The following PPP1R3B variants were observed in gnomAD, a reference collection of about 807,000 sequenced individuals.
PPP1R3B encodes protein phosphatase 1 regulatory subunit 3B.
PPP1R3B carries 8 observed loss-of-function variants against 14.6 expected under a neutral mutation model. The observed-to-expected ratio is 0.55, with a 90% CI of 0.32 to 0.99. PPP1R3B has a LOEUF of 0.99. PPP1R3B is among the 50% of genes least tolerant of loss of function. The pLI, the probability that PPP1R3B is intolerant of heterozygous loss-of-function variation, is 0.04. For synonymous variants in PPP1R3B, 169 were observed against 142.0 expected (o/e 1.19, Z -1.35); for missense variants, 452 against 360.1 (o/e 1.26, Z -2.07).
rs1034804237 is a variant in PPP1R3B at position 9,138,275 on chromosome 8, C to A, written c.*2519G>T. 6.6e-6 allele frequency: 1 copy of A among 152,156 alleles called. No homozygotes were observed. The highest frequency in any genetic ancestry group is 1.5e-5 in the Non-Finnish European group (1 of 68,028). 9.4% of individuals were successfully genotyped at this position (152,156 alleles called of 1,614,324 possible). A position where few individuals can be genotyped will look rare whatever the true frequency, so the allele number is the denominator to read the frequency against. The stretch of plus-strand genomic sequence containing the variant: ...CGATGTCTGGTATGTTTACATAAAA[C>A]GTGGTTCTGCCCAGTAACAGCATAA... On this transcript the variant is annotated 3_prime_UTR_variant, in exon 2 of 2. Transcript: ENST00000310455.
Position 9,138,566 on chromosome 8 carries a change from G to A in PPP1R3B, c.*2228C>T, listed in dbSNP as rs887051104. The A allele has an allele frequency of 2.0e-5, 3 of 152,182 alleles. No individual in the cohort carries two copies. The highest frequency in any genetic ancestry group is 4.4e-5 in the Non-Finnish European group (3 of 68,046). 9.4% of individuals were successfully genotyped at this position (152,182 alleles called of 1,614,324 possible). On this transcript the variant is annotated 3_prime_UTR_variant, in exon 2 of 2. Transcript: ENST00000310455. ...CTAGGAGCCAAGGCACTCAGTATCT[G>A]CCTGTTGGTTATGTACAAAGCCACA...
intron 1 of PPP1R3B, among the ~76,000 whole-genome samples, chr8:9,148,502 G>C (rs1320711674): frequency 1.3e-5 from 2 of 152,218 alleles, no homozygotes; most frequent in Admixed American, 1.3e-4. Context: ...TCCCAGGTAG[G>C]TATGAATTCT....
chr8:9,136,453 G>A lies in PPP1R3B; in HGVS notation c.*4341C>T, dbSNP rs1007378729. 6 of 152,164 alleles carry A rather than the reference G, an allele frequency of 3.9e-5. No homozygotes were observed. Among genetic ancestry groups the A allele is most frequent in the African/African-American group, 1.4e-4 (6 of 41,420 alleles). The allele number at this position is 152,164 out of a possible 1,614,324, so 9.4% of individuals were successfully genotyped here. ...GGTATAAAATGAAGATGAGTCCTTG[G>A]TTCTACATTCACACTGAAGTAATAG... On this transcript the variant is annotated 3_prime_UTR_variant, in exon 2 of 2. Coordinates refer to ENST00000310455, the MANE Select transcript of PPP1R3B (RefSeq NM_024607.4).
upstream of PPP1R3B, among the ~76,000 whole-genome samples, chr8:9,151,081 G>A (rs1392474505): frequency 6.6e-6 from 1 of 152,170 alleles, no homozygotes; most frequent in Non-Finnish European, 1.5e-5. Flanking sequence ...GCAGCTCCCG[G>A]GTCACGGTCG....
Position 9,141,367 on chromosome 8 carries a change from G to T in PPP1R3B, c.285C>A (p.Leu95=), listed in dbSNP as rs778830486. The T allele has an allele frequency of 5.0e-6, 8 of 1,614,086 alleles. No individual in the cohort carries two copies. The South Asian group carries it at 8.8e-5, about 18-fold the overall frequency. Reference sequence around the variant, plus strand: ...TCGTCAAGCTCACAATGTTGTCTAGGAGCTCGGTGATGTTGAATGGCATAT... The same window carrying T: ...TCGTCAAGCTCACAATGTTGTCTAGTAGCTCGGTGATGTTGAATGGCATAT... ...PLDMPFNITE[L]LDNIVSLTTA... The change falls in exon 2 of 2, where the codon CTC becomes CTA. Residue 95 remains leucine (L), a synonymous_variant. Coordinates refer to ENST00000310455, the MANE Select transcript of PPP1R3B (RefSeq NM_024607.4).
upstream of PPP1R3B, chr8:9,150,673 C>T (rs1014567542): frequency 2.0e-5 from 3 of 152,468 alleles, no homozygotes; most frequent in Non-Finnish European, 1.5e-5. Context: ...GAGGCAGGGC[C>T]TGGGCTGGGT....
Position 9,140,718 on chromosome 8 carries a change from C to G in PPP1R3B, c.*76G>C. ...AAGTTCCACGTTGCTCCTCCCTGGC[C>G]TTCCATCTCCACTGCACAGTGAGCA... is the stretch of plus-strand genomic sequence containing the variant. On this transcript the variant is annotated 3_prime_UTR_variant, in exon 2 of 2. Coordinates refer to ENST00000310455, the MANE Select transcript of PPP1R3B (RefSeq NM_024607.4). 3 of 1,498,070 alleles carry G rather than the reference C, an allele frequency of 2.0e-6. No individual in the cohort carries two copies. The highest frequency in any genetic ancestry group is 2.7e-6 in the Non-Finnish European group (3 of 1,105,314). The allele number at this position is 1,498,070 out of a possible 1,614,324, so 92.8% of individuals were successfully genotyped here.
At chr8:9,147,926 C>G (rs1002622668) in intron 1 of PPP1R3B, among the ~76,000 whole-genome samples, 3 of 152,164 alleles carry the variant, frequency 2.0e-5, no homozygotes, top group Admixed American at 6.5e-5. Context: ...CAACCCCAGT[C>G]TAGAATCCCT....
Position 9,141,575 on chromosome 8 carries a change from A to T in PPP1R3B, c.77T>A (p.Ile26Asn). 6.2e-7 allele frequency: 1 copy of T among 1,614,042 alleles called. No homozygotes were observed. Among genetic ancestry groups the T allele is most frequent in the Non-Finnish European group, 8.5e-7 (1 of 1,180,022 alleles). ...CAGTGGTTTGCTGGGCTTTGGTGAG[A>T]TCTTAAAGGCAAACCTCTCTTGGCG... ...SLRQERFAFK[I>N]SPKPSKPLRP... Residue 26 changes from isoleucine (I) to asparagine (N), a missense_variant, in exon 2 of 2, where the codon ATC (isoleucine) becomes AAC (asparagine). Ile to Asn is a moderately radical substitution (Grantham distance 149). Transcript: ENST00000310455.
chr8:9,148,394 A>G (rs775313237), intron 1 of PPP1R3B, among the ~76,000 whole-genome samples: 1 of 152,182 alleles, frequency 6.6e-6, no homozygotes, highest in Non-Finnish European at 1.5e-5. Context: ...AGGGGGAAAA[A>G]AAAAGAACCA....
chr8:9,149,498 C>T (rs563514526), intron 1 of PPP1R3B, among the ~76,000 whole-genome samples: 83 of 152,256 alleles, frequency 5.5e-4, no homozygotes, highest in African/African-American at 1.9e-3. Context: ...AGCGACACTC[C>T]GTCTCAAAAC....
intron 1 of PPP1R3B, among the ~76,000 whole-genome samples, chr8:9,150,139 G>C (rs1008401594): frequency 6.6e-6 from 1 of 152,030 alleles, no homozygotes; most frequent in Non-Finnish European, 1.5e-5. Flanking sequence ...TCTGCCCAAG[G>C]AAACATTTCC....
rs1801030173 is a variant in PPP1R3B at position 9,140,328 on chromosome 8, A to G, written c.*466T>C. On this transcript the variant is annotated 3_prime_UTR_variant, in exon 2 of 2. Transcript: ENST00000310455. The stretch of plus-strand genomic sequence containing the variant: ...CAGAGATACACGTGGACGGGGAAGC[A>G]CAGCAGCTTGCAGGAAAGGCCTGGC... 1 of 184,736 alleles carries G rather than the reference A, an allele frequency of 5.4e-6. No homozygotes were observed. The highest frequency in any genetic ancestry group is 2.3e-5 in the African/African-American group (1 of 43,750). 11.4% of individuals were successfully genotyped at this position (184,736 alleles called of 1,614,324 possible).
chr8:9,140,864 C>A lies in PPP1R3B; in HGVS notation c.788G>T (p.Arg263Leu). The change falls in exon 2 of 2, where the codon CGG becomes CTG. Residue 263 changes from arginine (R) to leucine (L), a missense_variant. Physicochemically the swap from Arg to Leu is moderately radical, Grantham distance 102. Transcript: ENST00000310455. ...CTCTGGAAACAGACCATAGGAACAC[C>A]GAGGGCTTCCGAACTGGTCAAAGGA... ...GISFDQFGSPRCSYGLFPEWP... is the reference protein window; with the variant it reads ...GISFDQFGSPLCSYGLFPEWP... 6.2e-7 allele frequency: 1 copy of A among 1,614,134 alleles called. No individual in the cohort carries two copies. The highest frequency in any genetic ancestry group is 8.5e-7 in the Non-Finnish European group (1 of 1,180,020).
chr8:9,144,322 G>C (rs1455868741), intron 1 of PPP1R3B, among the ~76,000 whole-genome samples: 1 of 151,700 alleles, frequency 6.6e-6, no homozygotes, highest in Non-Finnish European at 1.5e-5. Flanking sequence ...CGAGTAGCTA[G>C]GACCACAGGC....
Position 9,141,600 on chromosome 8 carries a change from G to T in PPP1R3B, c.52C>A (p.Arg18Ser), listed in dbSNP as rs376926182. The change falls in exon 2 of 2, where the codon CGC becomes AGC. Residue 18 changes from arginine (R) to serine (S), a missense_variant. Arg to Ser is a moderately radical substitution (Grantham distance 110, BLOSUM62 -1). Transcript: ENST00000310455. ...YRYNCMAPSL[R>S]QERFAFKISP... is the part of the protein sequence containing the mutation. ...ATCTTAAAGGCAAACCTCTCTTGGC[G>T]CAAGGAAGGAGCCATGCAGTTGTAT... The T allele has an allele frequency of 3.1e-6, 5 of 1,613,860 alleles. No individual in the cohort carries two copies. The highest frequency in any genetic ancestry group is 4.2e-6 in the Non-Finnish European group (5 of 1,180,020).
upstream of PPP1R3B, among the ~76,000 whole-genome samples, chr8:9,151,077 C>A (rs1036150587): frequency 6.6e-6 from 1 of 152,154 alleles, no homozygotes; most frequent in Non-Finnish European, 1.5e-5. Context: ...AGCCGCAGCT[C>A]CCGGGTCACG....
At chr8:9,151,061 C>CGCCGCA (rs1801414822), upstream of PPP1R3B, among the ~76,000 whole-genome samples, 1 of 152,164 alleles carries the variant, frequency 6.6e-6, no homozygotes, top group African/African-American at 2.4e-5. Context: ...AGGGATCAGC[C>CGCCGCA]GCCGCAGCCG....
intron 1 of PPP1R3B, among the ~76,000 whole-genome samples, chr8:9,148,608 G>A (rs1801313003): frequency 6.6e-6 from 1 of 152,164 alleles, no homozygotes; most frequent in Non-Finnish European, 1.5e-5. Context: ...CAGTGTTCAT[G>A]GCTAAGACAG....
Sources: gnomAD v4.1 joint callset for allele counts (sites outside exome capture counted in the v4.1 genomes callset) on GRCh38, gnomAD v4.1.1 for gene constraint, MANE v1.5 for transcripts, NCBI Gene and HGNC (gene_info 2026-07-23, HGNC 2026-07-21) for gene names.